The following RTN3 variants were observed in gnomAD, a reference collection of about 807,000 sequenced individuals.
RTN3 encodes the protein reticulon 3, also known as reticulon-3.
RTN3 carries 49 observed loss-of-function variants against 77.8 expected under a neutral mutation model. The observed-to-expected ratio is 0.63, with a 90% CI of 0.50 to 0.80. The LOEUF (loss-of-function observed/expected upper bound fraction) is 0.80, where lower values mean the gene tolerates loss of function less well. Ranked by LOEUF, RTN3 falls within the 30% of genes least tolerant of loss-of-function variation. The pLI, the probability that RTN3 is intolerant of heterozygous loss-of-function variation, is 0.00. For synonymous variants in RTN3, 464 were observed against 446.9 expected, an observed-to-expected ratio of 1.04 and a Z score of -0.48; for missense variants, 1,236 against 1,211.9, an observed-to-expected ratio of 1.02 and a Z score of -0.29.
chr11:63,719,353 C>G lies in RTN3; in HGVS notation c.851C>G (p.Ser284Cys), dbSNP rs767332018. ...SWSVHTDKESSEDISETNDKL... is the reference protein window; with the variant it reads ...SWSVHTDKESCEDISETNDKL... Reference sequence around the variant, plus strand: ...TCTGTGCACACTGATAAAGAATCATCCGAAGACATTTCAGAGACTAATGAC... The same window carrying G: ...TCTGTGCACACTGATAAAGAATCATGCGAAGACATTTCAGAGACTAATGAC... The change falls in exon 3 of 9, where the codon TCC (serine) becomes TGC (cysteine). Residue 284 changes from serine (S) to cysteine (C), a missense_variant. Physicochemically the swap from Ser to Cys is moderately radical, Grantham distance 112 (BLOSUM62 -1). Transcript: ENST00000377819. The G allele has an allele frequency of 6.8e-6, 11 of 1,613,996 alleles. No homozygotes were observed.
intron 2 of RTN3, among the ~76,000 whole-genome samples, chr11:63,711,166 G>A (rs1318404565): frequency 1.3e-5 from 2 of 152,014 alleles, no homozygotes; most frequent in African/African-American, 4.8e-5. Flanking sequence ...TCTAGTCCCA[G>A]CTACTCAGGA....
rs182606263 is a variant in RTN3, at chr11:63,723,394, G to C, written c.2530+2362G>C. Among the ~76,000 whole-genome samples the C allele has an allele frequency of 3.0e-3, 446 of 150,520 alleles. 1 individual carries two copies. Among genetic ancestry groups the C allele is most frequent in the Non-Finnish European group, 5.0e-3 (335 of 67,578 alleles). ...TAAACCATTTCAGTAAAATGCATCAGTGTCTAGTTTTATTTATTTATCTTT... is the reference window on the plus strand; with the variant it reads ...TAAACCATTTCAGTAAAATGCATCACTGTCTAGTTTTATTTATTTATCTTT... On this transcript the variant is annotated intron_variant, in intron 3 of 8. Coordinates refer to ENST00000377819, the MANE Select transcript of RTN3 (RefSeq NM_001265589.2).
chr11:63,702,518 G>A (rs1045316149), intron 1 of RTN3, among the ~76,000 whole-genome samples: 14 of 151,492 alleles, frequency 9.2e-5, no homozygotes, highest in African/African-American at 3.2e-4. Context: ...GTTTCACCAT[G>A]TTGGCCAGGC....
rs141349307 is a variant in RTN3 at position 63,738,882 on chromosome 11, A to G, written c.2531-11109A>G. ...AAGGTTTACTGCTGTTCCTCCTGGA[A>G]ATGGCACAAGACTGATTTCCTTTTT... On this transcript the variant is annotated intron_variant, in intron 3 of 8. Coordinates refer to ENST00000377819, the MANE Select transcript of RTN3 (RefSeq NM_001265589.2). Among the ~76,000 whole-genome samples, 1,404 of 152,258 alleles carry G rather than the reference A, an allele frequency of 9.2e-3. 14 individuals carry two copies. The highest frequency in any genetic ancestry group is 0.032 in the African/African-American group (1,316 of 41,540).
chr11:63,685,214 G>A (rs1438900267), intron 1 of RTN3, among the ~76,000 whole-genome samples: 1 of 152,034 alleles, frequency 6.6e-6, no homozygotes, highest in Admixed American at 6.6e-5. Context: ...GCAGTGTGGG[G>A]CCAGGCACGC....
In RTN3 at chr11:63,718,899, C is replaced by T. The variant is rs2011554162; in HGVS notation, c.397C>T (p.Pro133Ser). 1 of 1,613,946 alleles carries T rather than the reference C, an allele frequency of 6.2e-7. No individual in the cohort carries two copies. Among genetic ancestry groups the T allele is most frequent in the Non-Finnish European group, 8.5e-7 (1 of 1,180,028 alleles). The stretch of plus-strand genomic sequence containing the variant: ...TCTAGATATGAAAAAGATGGAAAAG[C>T]CTCAGGGGACCAGCAACAACGTATC... ...DLLDMKKMEKPQGTSNNVSDS... is the reference protein window; with the variant it reads ...DLLDMKKMEKSQGTSNNVSDS... The change falls in exon 3 of 9, where the codon CCT becomes TCT. Residue 133 changes from proline (P) to serine (S), a missense_variant. Pro to Ser is a moderately conservative substitution (Grantham distance 74). This residue lies in a region of RTN3 where 1,056 missense variants were observed against 990.4 expected (regional missense o/e 1.07). Coordinates refer to ENST00000377819, the MANE Select transcript of RTN3 (RefSeq NM_001265589.2).
At chr11:63,708,390 C>G (rs558166114) in intron 2 of RTN3, among the ~76,000 whole-genome samples, 1 of 152,234 alleles carries the variant, frequency 6.6e-6, no homozygotes, top group South Asian at 2.1e-4. Flanking sequence ...GGCTGAACTC[C>G]TGAGCACAAG....
At chr11:63,752,697 G>T in intron 5 of RTN3, 52 bp downstream of exon 5, 1 of 1,583,950 alleles carries the variant, frequency 6.3e-7, no homozygotes, top group Non-Finnish European at 8.6e-7. Flanking sequence ...CAGGGACTGG[G>T]TTATAATTTG....
chr11:63,728,905 A>G (rs1446873180), intron 3 of RTN3, among the ~76,000 whole-genome samples: 2 of 148,310 alleles, frequency 1.3e-5, no homozygotes, highest in Admixed American at 6.7e-5. Flanking sequence ...AAAAAAAAGA[A>G]AAAAGAAAAG....
Position 63,720,322 on chromosome 11 carries a change from A to C in RTN3, c.1820A>C (p.Glu607Ala). The C allele has an allele frequency of 6.2e-7, 1 of 1,613,952 alleles. No individual in the cohort carries two copies. The highest frequency in any genetic ancestry group is 8.5e-7 in the Non-Finnish European group (1 of 1,179,932). The change falls in exon 3 of 9, where the codon GAG becomes GCG. Residue 607 changes from glutamate to alanine, a missense_variant. Around this residue, in one of 3 missense-constraint regions of RTN3, gnomAD observed 1,056 missense variants for 990.4 expected, o/e 1.07. Transcript: ENST00000377819. The part of the protein sequence containing the change: ...EVAPEKPITT[E>A]NPKLPSTVSP... ...GCTCCTGAAAAGCCTATTACTACTG[A>C]GAACCCCAAACTTCCTTCAACAGTG...
chr11:63,717,828 A>G (rs1470867659), intron 2 of RTN3, among the ~76,000 whole-genome samples: 3 of 151,902 alleles, frequency 2.0e-5, no homozygotes, highest in African/African-American at 7.2e-5. Flanking sequence ...CAGCCTGGCC[A>G]ACATGGTGAA....
intron 3 of RTN3, among the ~76,000 whole-genome samples, chr11:63,739,412 G>T (rs1310135380): frequency 2.6e-5 from 4 of 152,190 alleles, no homozygotes; most frequent in Non-Finnish European, 5.9e-5. Context: ...TTTAGGAAGA[G>T]ACTAGCCAAG....
At chr11:63,721,062 G>A (rs1318056484) in intron 3 of RTN3, 30 bp downstream of exon 3, 1 of 1,528,420 alleles carries the variant, frequency 6.5e-7, no homozygotes, top group Non-Finnish European at 8.8e-7. Context: ...TACTGCATGT[G>A]GTTAATTCTG....
chr11:63,688,588 C>A (rs1366409340), intron 1 of RTN3, among the ~76,000 whole-genome samples: 1 of 152,112 alleles, frequency 6.6e-6, no homozygotes, highest in Non-Finnish European at 1.5e-5. Flanking sequence ...CCACTCTGAT[C>A]AAATTAAACA....
intron 3 of RTN3, among the ~76,000 whole-genome samples, chr11:63,731,260 A>G (rs1220054074): frequency 6.6e-6 from 1 of 152,020 alleles, no homozygotes; most frequent in East Asian, 1.9e-4. Context: ...TTGTATTTTA[A>G]GTAGAGACAG....
rs138390011 is a variant in RTN3 at position 63,734,363 on chromosome 11, C to G, written c.2530+13331C>G. 4.5e-3 allele frequency among the ~76,000 whole-genome samples: 677 copies of G among 152,038 alleles called. 3 individuals carry two copies. Among genetic ancestry groups the G allele is most frequent in the Non-Finnish European group, 7.2e-3 (492 of 67,984 alleles). On this transcript the variant is annotated intron_variant, in intron 3 of 8. Coordinates refer to ENST00000377819, the MANE Select transcript of RTN3 (RefSeq NM_001265589.2). ...TCAGGAGGCTGAGGCAGGAGAATCCCTTGAACTCAACAGGCAAAGGTTGCA... is the reference window on the plus strand; with the variant it reads ...TCAGGAGGCTGAGGCAGGAGAATCCGTTGAACTCAACAGGCAAAGGTTGCA...
chr11:63,684,129 G>GTTTTTTTTTTTTTTTTTTTT (rs61663789), intron 1 of RTN3, among the ~76,000 whole-genome samples: 1 of 85,272 alleles, frequency 1.2e-5, no homozygotes, highest in African/African-American at 5.2e-5. Flanking sequence ...TTTTCTTTTG[G>GTTTTTTTTTTTTTTTTTTTT]TTTTTTTTTT....
At chr11:63,753,382 G>A (rs896411123) in intron 6 of RTN3, among the ~76,000 whole-genome samples, 15 of 152,186 alleles carry the variant, frequency 9.9e-5, no homozygotes, top group African/African-American at 2.9e-4. Context: ...TTTGGTTTAC[G>A]TATGGGGATC....
chr11:63,732,607 A>G (rs573548959), intron 3 of RTN3, among the ~76,000 whole-genome samples: 3 of 152,342 alleles, frequency 2.0e-5, no homozygotes, highest in African/African-American at 7.2e-5. Context: ...TTATGCCAAC[A>G]GATTTATCAA....
Sources: gnomAD v4.1 joint callset for allele counts (sites outside exome capture counted in the v4.1 genomes callset) on GRCh38, gnomAD v4.1.1 for gene constraint, gnomAD v4.1.1 regional missense constraint, MANE v1.5 for transcripts, NCBI Gene and HGNC (gene_info 2026-07-23, HGNC 2026-07-21) for gene names.